KLHL12: variants seen among roughly 807,000 people sequenced by gnomAD.
KLHL12 encodes the protein kelch like family member 12.
In KLHL12, 17 loss-of-function variants were observed where a neutral mutation model predicts 60.8. That is an observed-to-expected ratio of 0.28 (90% CI 0.19 to 0.42). KLHL12 has a LOEUF of 0.42. Ranked by LOEUF, KLHL12 falls within the 10% of genes least tolerant of loss-of-function variation. The pLI is 1.00. For missense variants in KLHL12, 468 were observed against 722.3 expected (o/e 0.65, Z 4.04); for synonymous variants, 220 against 250.9 (o/e 0.88, Z 1.16).
At chr1:202,904,878 T>G (rs534749641) in intron 6 of KLHL12, among the ~76,000 whole-genome samples, 2 of 152,358 alleles carry the variant, frequency 1.3e-5, no homozygotes, top group South Asian at 4.1e-4. Flanking sequence ...CCATTATATC[T>G]TCTTTGAGAC....
chr1:202,906,039 T>C (rs931738257), intron 6 of KLHL12, among the ~76,000 whole-genome samples: 1 of 143,042 alleles, frequency 7.0e-6, no homozygotes, highest in African/African-American at 2.5e-5. Context: ...CTGGATGGTC[T>C]CGATCTCCTG....
At chr1:202,917,184 A>G (rs796588127) in intron 4 of KLHL12, among the ~76,000 whole-genome samples, 6 of 152,260 alleles carry the variant, frequency 3.9e-5, no homozygotes, top group African/African-American at 1.4e-4. Flanking sequence ...TGCCTGGCAC[A>G]GGTAGTATCC....
At position 202,925,224 on chromosome 1, in the gene KLHL12, A is replaced by T; in HGVS notation, c.-45-17T>A. 1 of 1,602,080 alleles carries T rather than the reference A, an allele frequency of 6.2e-7. No individual in the cohort carries two copies. Among genetic ancestry groups the T allele is most frequent in the Non-Finnish European group, 8.5e-7 (1 of 1,175,272 alleles). On this transcript the variant is annotated splice_polypyrimidine_tract_variant and intron_variant, in intron 1 of 11. Coordinates refer to ENST00000367261, the MANE Select transcript of KLHL12 (RefSeq NM_021633.4). ...ATTCTGCAACTACAAGAGGGAAAAA[A>T]AAACAATGAGCATATTCAAAGAACT...
At chr1:202,907,154 A>C (rs1429250721) in intron 6 of KLHL12, among the ~76,000 whole-genome samples, 3 of 152,242 alleles carry the variant, frequency 2.0e-5, no homozygotes, top group African/African-American at 7.2e-5. Context: ...AGTAGTAGAA[A>C]ATACCATCTA....
At chr1:202,897,880 T>C (rs1659890577) in intron 6 of KLHL12, among the ~76,000 whole-genome samples, 1 of 151,468 alleles carries the variant, frequency 6.6e-6, no homozygotes, top group Non-Finnish European at 1.5e-5. Flanking sequence ...TAAAATCTCT[T>C]TTCCATGAAC....
chr1:202,912,178 A>C lies in KLHL12; in HGVS notation c.568-975T>G, dbSNP rs1328083866. ...AGAAGACACTGAAGAACATCACCTA[A>C]GAGATAATTTGAACAGTTTGGAAAA... is the stretch of plus-strand genomic sequence containing the variant. On this transcript the variant is annotated intron_variant, in intron 4 of 11. Transcript: ENST00000367261. 5.5e-6 allele frequency: 5 copies of C among 902,130 alleles called. No homozygotes were observed. The African/African-American group carries it at 6.4e-5, about 12-fold the overall frequency. 55.9% of individuals were successfully genotyped at this position (902,130 alleles called of 1,614,324 possible). A position where few individuals can be genotyped will look rare whatever the true frequency, so the allele number is the denominator to read the frequency against.
intron 1 of KLHL12, 63 bp from the exon 2 acceptor site, chr1:202,925,270 A>C (rs1653474375): frequency 1.1e-5 from 17 of 1,512,128 alleles, no homozygotes; most frequent in Non-Finnish European, 1.5e-5. Context: ...AACATATTTA[A>C]TTAGCTTTAC....
chr1:202,921,832 G>A (rs1295818992), intron 2 of KLHL12, among the ~76,000 whole-genome samples: 1 of 151,990 alleles, frequency 6.6e-6, no homozygotes, highest in East Asian at 1.9e-4. Context: ...TAACTAAATG[G>A]CTTTAACGTT....
In KLHL12 at chr1:202,922,402, C is replaced by T. The variant is rs552393654; in HGVS notation, c.196-2494G>A. On this transcript the variant is annotated intron_variant, in intron 2 of 11. Coordinates refer to ENST00000367261, the MANE Select transcript of KLHL12 (RefSeq NM_021633.4). Reference sequence around the variant, plus strand: ...CTAACATGGTGAAACCCCGTCTCCACTAAAAATACAAAAAATTAGCCAGGC... The same window carrying T: ...CTAACATGGTGAAACCCCGTCTCCATTAAAAATACAAAAAATTAGCCAGGC... 3.9e-4 allele frequency among the ~76,000 whole-genome samples: 53 copies of T among 137,492 alleles called. No homozygotes were observed. The South Asian group carries it at 6.3e-3, about 16-fold the overall frequency. The allele number at this position is 137,492 out of a possible 152,430, so 90.2% of individuals were successfully genotyped here. A position where few individuals can be genotyped will look rare whatever the true frequency, so the allele number is the denominator to read the frequency against.
intron 7 of KLHL12, among the ~76,000 whole-genome samples, chr1:202,896,331 A>G (rs1326246080): frequency 6.6e-6 from 1 of 152,136 alleles, no homozygotes; most frequent in South Asian, 2.1e-4. Context: ...GACTACAGGC[A>G]TGCACCACCA....
Position 202,918,270 on chromosome 1 carries a change from A to C in KLHL12, c.468T>G (p.Val156=). Residue 156 remains valine (V), a synonymous_variant, in exon 4 of 12, where the codon GTT becomes GTG. Transcript: ENST00000367261. ...NCVDLMQAAE[V]FSQKHFPEVV... ...CTTCAGGAAAATGCTTCTGGCTAAA[A>C]ACCTCAGCTGCTTGCATCAGGTCAA... 1 of 1,614,162 alleles carries C rather than the reference A, an allele frequency of 6.2e-7. No individual in the cohort carries two copies. Among genetic ancestry groups the C allele is most frequent in the South Asian group, 1.1e-5 (1 of 91,086 alleles).
chr1:202,903,930 T>C (rs761722463), intron 6 of KLHL12, among the ~76,000 whole-genome samples: 25 of 151,800 alleles, frequency 1.6e-4, no homozygotes, highest in Non-Finnish European at 3.1e-4. Context: ...GTCTCATGCA[T>C]TCTTATGAGC....
intron 2 of KLHL12, among the ~76,000 whole-genome samples, chr1:202,920,149 A>C (rs1557999798): frequency 6.6e-6 from 1 of 151,848 alleles, no homozygotes; most frequent in African/African-American, 2.4e-5. Flanking sequence ...CCCCGTCTCC[A>C]CTAGAAATAC....
At chr1:202,900,500 G>A (rs1259343831) in intron 6 of KLHL12, among the ~76,000 whole-genome samples, 17 of 152,062 alleles carry the variant, frequency 1.1e-4, no homozygotes, top group Admixed American at 1.1e-3. Context: ...CAGTGAACAA[G>A]GTCGTGTTCC....
intron 4 of KLHL12, among the ~76,000 whole-genome samples, chr1:202,914,565 G>A (rs372649208): frequency 2.6e-5 from 4 of 152,092 alleles, no homozygotes; most frequent in Non-Finnish European, 4.4e-5. Context: ...TTTAGTTTGC[G>A]TTTTTAAGAC....
chr1:202,897,967 TA>T (rs1659892699), intron 6 of KLHL12, among the ~76,000 whole-genome samples: 1 of 152,160 alleles, frequency 6.6e-6, no homozygotes, highest in Admixed American at 6.5e-5. Flanking sequence ...AACAAAAGAC[TA>T]GAGTTTTAAA....
In KLHL12 at chr1:202,893,493, T is replaced by C; in HGVS notation, c.1394-68A>G. On this transcript the variant is annotated intron_variant, in intron 10 of 11. Transcript: ENST00000367261. The surrounding 1 kb of genome is among the most constrained non-coding windows in gnomAD (Gnocchi z 4.1). ...TAGAATCTGAATTATAGAAATAAACTACGGTCACTAATGACTAGCTGAGTT... is the reference window on the plus strand; with the variant it reads ...TAGAATCTGAATTATAGAAATAAACCACGGTCACTAATGACTAGCTGAGTT... 2 of 1,345,112 alleles carry C rather than the reference T, an allele frequency of 1.5e-6. No individual in the cohort carries two copies. Among genetic ancestry groups the C allele is most frequent in the East Asian group, 2.4e-5 (1 of 42,256 alleles). 83.3% of individuals were successfully genotyped at this position (1,345,112 alleles called of 1,614,324 possible).
At chr1:202,928,226 G>A (rs927033705), upstream of KLHL12, among the ~76,000 whole-genome samples, 2 of 142,204 alleles carry the variant, frequency 1.4e-5, no homozygotes, top group African/African-American at 5.2e-5. Context: ...AGTGAGCTGA[G>A]ATCGCGCCAC....
In KLHL12 at chr1:202,916,124, G is replaced by A. The variant is rs565442620; in HGVS notation, c.567+2047C>T. Among the ~76,000 whole-genome samples, 8 of 152,310 alleles carry A rather than the reference G, an allele frequency of 5.3e-5. No individual in the cohort carries two copies. In the East Asian group the frequency reaches 1.5e-3, roughly 29 times the overall value. On this transcript the variant is annotated intron_variant, in intron 4 of 11. Coordinates refer to ENST00000367261, the MANE Select transcript of KLHL12 (RefSeq NM_021633.4). ...TTTTTTGGCTATGCCTGCCACTTCA[G>A]CACAAGGATACAATGTCCTACACTA...
Sources: allele counts gnomAD v4.1 joint callset (sites outside exome capture counted in the v4.1 genomes callset), GRCh38; gene constraint gnomAD v4.1.1; non-coding constraint Gnocchi (gnomAD v3.1); transcripts MANE v1.5; gene names NCBI Gene and HGNC (gene_info 2026-07-23, HGNC 2026-07-21).